VWA8: variants seen among roughly 807,000 people sequenced by gnomAD.
VWA8 encodes the protein von Willebrand factor A domain-containing protein 8.
A neutral mutation model predicts 241.5 loss-of-function variants in VWA8; 221 were observed. The ratio of observed to expected loss-of-function variants is 0.91; its 90% CI spans 0.82 to 1.02. The LOEUF (loss-of-function observed/expected upper bound fraction) is 1.02. VWA8 is among the 50% of genes least tolerant of loss of function. The pLI is 0.00. For synonymous variants in VWA8, 852 were observed against 827.1 expected, an observed-to-expected ratio of 1.03 and a Z score of -0.52; for missense variants, 2,322 against 2,328.7, an observed-to-expected ratio of 1.00 and a Z score of 0.06.
chr13:41,593,492 A>C (rs1021481335), intron 40 of VWA8, among the ~76,000 whole-genome samples: 5 of 152,264 alleles, frequency 3.3e-5, no homozygotes, highest in South Asian at 2.1e-4. Context: ...CTTCCTACTG[A>C]TCTATCTGTG....
intron 9 of VWA8, among the ~76,000 whole-genome samples, chr13:41,872,186 T>C (rs894168280): frequency 6.6e-6 from 1 of 152,158 alleles, no homozygotes; most frequent in East Asian, 1.9e-4. Flanking sequence ...GTTTGAGTTC[T>C]TTGTAGATTC....
intron 12 of VWA8, among the ~76,000 whole-genome samples, chr13:41,856,359 C>T (rs1447003898): frequency 6.6e-6 from 1 of 151,868 alleles, no homozygotes; most frequent in Non-Finnish European, 1.5e-5. Flanking sequence ...CAAAACAAAA[C>T]AAAATATTCA....
chr13:41,761,242 A>C (rs777924645), intron 20 of VWA8, 38 bp from the exon 21 acceptor site: 1 of 1,587,378 alleles, frequency 6.3e-7, no homozygotes, highest in Non-Finnish European at 8.6e-7. Context: ...AAAAGAGGCT[A>C]TTTTCTGGAG....
At chr13:41,935,306 C>A (rs1296066587) in intron 2 of VWA8, among the ~76,000 whole-genome samples, 1 of 151,990 alleles carries the variant, frequency 6.6e-6, no homozygotes, top group African/African-American at 2.4e-5. Flanking sequence ...CTTAGTATAG[C>A]TAGTCATATT....
intron 1 of VWA8, among the ~76,000 whole-genome samples, chr13:41,951,383 C>T (rs1052481209): frequency 6.6e-6 from 1 of 152,200 alleles, no homozygotes; most frequent in Non-Finnish European, 1.5e-5. Flanking sequence ...CGCCACTGCA[C>T]TCCAGCCTGG....
chr13:41,690,075 G>T, intron 33 of VWA8, 91 bp downstream of exon 33: 1 of 1,092,184 alleles, frequency 9.2e-7, no homozygotes, highest in Non-Finnish European at 1.3e-6. Context: ...CTTAACATAG[G>T]CTGGTGTTTT....
chr13:41,620,090 G>T (rs557186390), intron 37 of VWA8, among the ~76,000 whole-genome samples: 3 of 152,076 alleles, frequency 2.0e-5, no homozygotes, highest in Admixed American at 6.6e-5. Context: ...CTGTGAATCC[G>T]TCTGGTCCTG....
intron 37 of VWA8, among the ~76,000 whole-genome samples, chr13:41,639,345 A>G (rs970286354): frequency 6.6e-6 from 1 of 152,202 alleles, no homozygotes; most frequent in African/African-American, 2.4e-5. Flanking sequence ...ATTTGAACAC[A>G]AGGAAAGCCA....
chr13:41,617,285 AT>A (rs2044627241), intron 37 of VWA8, among the ~76,000 whole-genome samples: 1 of 151,796 alleles, frequency 6.6e-6, no homozygotes, highest in Non-Finnish European at 1.5e-5. Flanking sequence ...CGCCCAGCTA[AT>A]TTTTTTATTT....
chr13:41,717,154 C>A (rs1228442585), intron 26 of VWA8, among the ~76,000 whole-genome samples: 3 of 151,858 alleles, frequency 2.0e-5, no homozygotes, highest in South Asian at 2.1e-4. Context: ...CTGGCCAGGG[C>A]AGTCTTATTT....
intron 37 of VWA8, among the ~76,000 whole-genome samples, chr13:41,627,187 A>G (rs2044697661): frequency 6.6e-6 from 1 of 152,212 alleles, no homozygotes; most frequent in Admixed American, 6.5e-5. Flanking sequence ...ATTATTAGAG[A>G]AATGCAAATC....
chr13:41,611,715 C>A lies in VWA8; in HGVS notation c.4738G>T (p.Gly1580Cys). Residue 1580 changes from glycine (G) to cysteine (C), a missense_variant, in exon 39 of 45, where the codon GGC (glycine) becomes TGC (cysteine). Coordinates refer to ENST00000379310, the MANE Select transcript of VWA8 (RefSeq NM_015058.2). ...AGGTGGRDTA[G>C]LGGKGGPYRL... ...TAAGGGCCTCCTTTGCCACCCAGGC[C>A]TGCCGTGTCTCTTCCCCCTGGAAGG... 6.2e-7 allele frequency: 1 copy of A among 1,613,994 alleles called. No individual in the cohort carries two copies. Among genetic ancestry groups the A allele is most frequent in the South Asian group, 1.1e-5 (1 of 91,058 alleles).
In VWA8 at chr13:41,782,526, T is replaced by G. The variant is rs1868935040; in HGVS notation, c.2277+1269A>C. Among the ~76,000 whole-genome samples the G allele has an allele frequency of 2.0e-5, 3 of 152,152 alleles. No homozygotes were observed. In the South Asian group the frequency reaches 6.2e-4, roughly 32 times the overall value. On this transcript the variant is annotated intron_variant, in intron 19 of 44. Coordinates refer to ENST00000379310, the MANE Select transcript of VWA8 (RefSeq NM_015058.2). ...ATAAGTAGCTTTATTTTCTGTTCAT[T>G]TGTTTACTGATTGTGCAAGAGCATT...
At chr13:41,830,772 C>A in intron 13 of VWA8, 130 bp from the exon 14 acceptor site, 1 of 723,158 alleles carries the variant, frequency 1.4e-6, no homozygotes, top group Non-Finnish European at 2.2e-6. Flanking sequence ...GTTAGATGGA[C>A]CTTTCAAAAT....
At chr13:41,939,750 T>A (rs945301388) in intron 2 of VWA8, among the ~76,000 whole-genome samples, 2 of 152,216 alleles carry the variant, frequency 1.3e-5, no homozygotes, top group African/African-American at 4.8e-5. Context: ...TAAGAATATT[T>A]CTAGTCTTAA....
At chr13:41,573,757 G>C (rs142286605) in intron 43 of VWA8, among the ~76,000 whole-genome samples, 3,265 of 151,484 alleles carry the variant, frequency 0.022, 82 homozygotes, top group East Asian at 0.1. Flanking sequence ...GGCTGGGATT[G>C]CGGGTGCCCG....
chr13:41,909,591 C>A (rs1475431923), intron 3 of VWA8, among the ~76,000 whole-genome samples: 1 of 152,152 alleles, frequency 6.6e-6, no homozygotes, highest in Non-Finnish European at 1.5e-5. Context: ...CAATGAAAAA[C>A]CCTGTCATTA....
In VWA8 at chr13:41,729,983, AC is replaced by A. The variant is rs199661476; in HGVS notation, c.2503-307del. Reference sequence around the variant, plus strand: ...TGGTAGTGATACCCAACAACATCTCACACCCAAGAGTAGGAGAGATGTAAAA... The same window carrying A: ...TGGTAGTGATACCCAACAACATCTCAACCCAAGAGTAGGAGAGATGTAAAA... On this transcript the variant is annotated intron_variant, in intron 22 of 44. Coordinates refer to ENST00000379310, the MANE Select transcript of VWA8 (RefSeq NM_015058.2). 2.8e-4 allele frequency among the ~76,000 whole-genome samples: 42 copies of A among 152,208 alleles called. 1 individual carries two copies. In the East Asian group the frequency reaches 8.1e-3, roughly 29 times the overall value.
In VWA8 at chr13:41,948,615, G is replaced by A. The variant is rs1006115953; in HGVS notation, c.241+1321C>T. Among the ~76,000 whole-genome samples the A allele has an allele frequency of 5.9e-5, 9 of 152,202 alleles. No homozygotes were observed. In the East Asian group the frequency reaches 7.7e-4, roughly 13 times the overall value. On this transcript the variant is annotated intron_variant, in intron 2 of 44. Transcript: ENST00000379310. ...TTAAAAAGACTATGCTGACAAGGATGTAGAACATCACTGTCGGTCAAAGGT... is the reference window on the plus strand; with the variant it reads ...TTAAAAAGACTATGCTGACAAGGATATAGAACATCACTGTCGGTCAAAGGT...
Sources: gnomAD v4.1 joint callset for allele counts (sites outside exome capture counted in the v4.1 genomes callset) on GRCh38, gnomAD v4.1.1 for gene constraint, MANE v1.5 for transcripts, NCBI Gene and HGNC (gene_info 2026-07-23, HGNC 2026-07-21) for gene names.